Variants in LMBRD1 observed in about 807,000 individuals in gnomAD.
The protein encoded by LMBRD1 is lysosomal cobalamin transport escort protein LMBD1.
Under a neutral mutation model 74.8 loss-of-function variants are expected in LMBRD1, and 64 were observed. The observed-to-expected ratio is 0.86, with a 90% CI of 0.70 to 1.05. The LOEUF (loss-of-function observed/expected upper bound fraction) is 1.05. Ranked by LOEUF, LMBRD1 falls within the 50% of genes least tolerant of loss-of-function variation. The pLI is 0.00. For missense variants in LMBRD1, 652 were observed against 645.9 expected, an observed-to-expected ratio of 1.01 and a Z score of -0.10; for synonymous variants, 204 against 216.3, an observed-to-expected ratio of 0.94 and a Z score of 0.50.
At chr6:69,773,077 G>C (rs760602787) in intron 3 of LMBRD1, among the ~76,000 whole-genome samples, 21 of 152,264 alleles carry the variant, frequency 1.4e-4, no homozygotes, top group Middle Eastern at 3.4e-3. Flanking sequence ...GATTCTAGGA[G>C]TTGTAAACCC....
At chr6:69,710,159 T>C (rs973000428) in intron 9 of LMBRD1, among the ~76,000 whole-genome samples, 4 of 152,060 alleles carry the variant, frequency 2.6e-5, no homozygotes, top group African/African-American at 9.7e-5. Context: ...AAGACATATA[T>C]AGATCAATGA....
At chr6:69,758,168 G>C (rs1483839115) in intron 3 of LMBRD1, among the ~76,000 whole-genome samples, 1 of 152,064 alleles carries the variant, frequency 6.6e-6, no homozygotes, top group Non-Finnish European at 1.5e-5. Context: ...GGATACATTA[G>C]ACTTTTAAAT....
intron 15 of LMBRD1, 66 bp downstream of exon 15, chr6:69,676,384 G>A (rs1477932403): frequency 6.3e-7 from 1 of 1,574,922 alleles, no homozygotes; most frequent in East Asian, 2.3e-5. Context: ...AAGATAAAAA[G>A]AGTTTACACA....
intron 5 of LMBRD1, among the ~76,000 whole-genome samples, chr6:69,743,783 C>A (rs867842409): frequency 3.9e-5 from 6 of 152,210 alleles, no homozygotes; most frequent in Middle Eastern, 3.4e-3. Flanking sequence ...TCAACACAGA[C>A]CCTGGCCTTA....
chr6:69,730,990 C>G (rs984988663), intron 7 of LMBRD1, among the ~76,000 whole-genome samples: 2 of 152,062 alleles, frequency 1.3e-5, no homozygotes, highest in South Asian at 4.1e-4. Flanking sequence ...AAGAATAGAA[C>G]ACACAAGAAA....
At position 69,675,997 on chromosome 6, in the gene LMBRD1, C is replaced by T. The variant is rs1765535556; in HGVS notation, c.*161G>A. 1.6e-6 allele frequency: 1 copy of T among 637,184 alleles called. No individual in the cohort carries two copies. The allele number at this position is 637,184 out of a possible 1,614,324, so 39.5% of individuals were successfully genotyped here. ...TAATTTAAAATGTTAATCTATGATACAATGTTACTTCAGAAAACATATAAT... is the reference window on the plus strand; with the variant it reads ...TAATTTAAAATGTTAATCTATGATATAATGTTACTTCAGAAAACATATAAT... On this transcript the variant is annotated 3_prime_UTR_variant, in exon 16 of 16. Coordinates refer to ENST00000649934, the MANE Select transcript of LMBRD1 (RefSeq NM_018368.4).
chr6:69,754,911 GTTA>G (rs1485812399), intron 3 of LMBRD1, among the ~76,000 whole-genome samples: 2 of 152,120 alleles, frequency 1.3e-5, no homozygotes, highest in Non-Finnish European at 2.9e-5. Context: ...AATTAGAATG[GTTA>G]TTAAGTCAGG....
intron 9 of LMBRD1, among the ~76,000 whole-genome samples, chr6:69,709,332 C>A (rs1766333853): frequency 6.6e-6 from 1 of 151,620 alleles, no homozygotes; most frequent in Non-Finnish European, 1.5e-5. Context: ...TGAACAGCAA[C>A]CTTCATATCT....
intron 1 of LMBRD1, among the ~76,000 whole-genome samples, chr6:69,795,190 C>G (rs549937568): frequency 6.6e-6 from 1 of 152,282 alleles, no homozygotes; most frequent in African/African-American, 2.4e-5. Flanking sequence ...GAAATTTAAA[C>G]AAAAGTCCTT....
intron 5 of LMBRD1, among the ~76,000 whole-genome samples, chr6:69,744,500 C>T (rs1004256924): frequency 3.9e-5 from 6 of 152,146 alleles, no homozygotes; most frequent in Non-Finnish European, 7.4e-5. Context: ...AAAATATTTC[C>T]TACCCAATCT....
At chr6:69,739,302 A>G (rs913340868) in intron 6 of LMBRD1, among the ~76,000 whole-genome samples, 3 of 152,202 alleles carry the variant, frequency 2.0e-5, no homozygotes, top group Non-Finnish European at 2.9e-5. Context: ...CTCAAAATTG[A>G]TCATTATTAA....
chr6:69,734,843 A>G (rs555729678), intron 7 of LMBRD1, among the ~76,000 whole-genome samples: 34 of 152,376 alleles, frequency 2.2e-4, no homozygotes, highest in African/African-American at 7.5e-4. Context: ...TAAGCTCTAC[A>G]TACATTTAGG....
intron 14 of LMBRD1, among the ~76,000 whole-genome samples, chr6:69,681,900 TAAGAAAGAATAAC>T: frequency 6.6e-6 from 1 of 152,012 alleles, no homozygotes; most frequent in East Asian, 1.9e-4. Flanking sequence ...AAAATGGTTT[TAAGAAAGAATAAC>T]AAGAGTGGAG....
intron 7 of LMBRD1, among the ~76,000 whole-genome samples, chr6:69,733,828 C>CT (rs755003435): frequency 6.6e-6 from 1 of 152,160 alleles, no homozygotes; most frequent in South Asian, 2.1e-4. Context: ...GATACAACTG[C>CT]TTTTTGCATT....
intron 3 of LMBRD1, among the ~76,000 whole-genome samples, chr6:69,779,185 C>CAAAAAAAAAAAA (rs11397050): frequency 8.3e-4 from 83 of 100,048 alleles, no homozygotes; most frequent in African/African-American, 3.0e-3. Context: ...GACTCAGTCT[C>CAAAAAAAAAAAA]AAAAAAAAAA....
At chr6:69,776,377 G>A (rs561754294) in intron 3 of LMBRD1, among the ~76,000 whole-genome samples, 17 of 152,158 alleles carry the variant, frequency 1.1e-4, no homozygotes, top group Middle Eastern at 6.8e-3. Context: ...TCTCCTCTAT[G>A]GAAAACTAGC....
At chr6:69,699,614 A>G (rs1766083988) in intron 12 of LMBRD1, among the ~76,000 whole-genome samples, 1 of 151,902 alleles carries the variant, frequency 6.6e-6, no homozygotes. Flanking sequence ...TGCTATAAAA[A>G]TTAGTTTATG....
chr6:69,678,864 T>C (rs925250434), intron 14 of LMBRD1, among the ~76,000 whole-genome samples: 2 of 151,974 alleles, frequency 1.3e-5, no homozygotes, highest in African/African-American at 4.8e-5. Flanking sequence ...TTTCCAAAAA[T>C]AGCATTAAAG....
chr6:69,744,665 T>C (rs967439867), intron 5 of LMBRD1, among the ~76,000 whole-genome samples: 2 of 152,194 alleles, frequency 1.3e-5, no homozygotes, highest in Admixed American at 6.5e-5. Flanking sequence ...TCAATTCATA[T>C]TTATCTTCCA....
Sources: gnomAD v4.1 joint callset for allele counts (sites outside exome capture counted in the v4.1 genomes callset) on GRCh38, gnomAD v4.1.1 for gene constraint, MANE v1.5 for transcripts, NCBI Gene and HGNC (gene_info 2026-07-23, HGNC 2026-07-21) for gene names.